USP8: variants seen among roughly 807,000 people sequenced by gnomAD.
The protein encoded by USP8 is ubiquitin carboxyl-terminal hydrolase 8.
Under a neutral mutation model 130.0 loss-of-function variants are expected in USP8, and 27 were observed. The ratio of observed to expected loss-of-function variants is 0.21; its 90% confidence interval spans 0.15 to 0.29. USP8 has a LOEUF of 0.29. USP8 is among the 10% of genes least tolerant of loss of function. The pLI is 1.00. For missense variants in USP8, 1,029 were observed against 1,312.2 expected (o/e 0.78, Z 3.33); for synonymous variants, 392 against 444.1 (o/e 0.88, Z 1.48).
chr15:50,494,387 T>C (rs2052292356), intron 16 of USP8, 107 bp downstream of exon 16: 2 of 888,266 alleles, frequency 2.3e-6, no homozygotes, highest in Admixed American at 6.1e-5. Context: ...TCAGTGCTTG[T>C]TTATTCAAAT....
chr15:50,466,254 T>G (rs1158758389), intron 7 of USP8, among the ~76,000 whole-genome samples: 2 of 152,212 alleles, frequency 1.3e-5, no homozygotes, highest in African/African-American at 4.8e-5. Context: ...AGATGCTTGA[T>G]AAATGTTTGA....
In USP8 at chr15:50,489,832, G is replaced by A. The variant is rs372108112; in HGVS notation, c.1922G>A (p.Ser641Asn). Residue 641 changes from serine to asparagine, a missense_variant, in exon 13 of 20, where the codon AGT becomes AAT. Physicochemically the swap from Ser to Asn is conservative, Grantham distance 46 (BLOSUM62 1). Coordinates refer to ENST00000307179, the MANE Select transcript of USP8 (RefSeq NM_005154.5). ...AQREPLTRAR[S>N]EEMGRIVPGL... ...CGAGAACCTTTGACAAGAGCACGAAGTGAAGAAATGGGGAGGATCGTACCA... is the reference window on the plus strand; with the variant it reads ...CGAGAACCTTTGACAAGAGCACGAAATGAAGAAATGGGGAGGATCGTACCA... 234 of 1,573,220 alleles carry A rather than the reference G, an allele frequency of 1.5e-4. No homozygotes were observed. Among genetic ancestry groups the A allele is most frequent in the Non-Finnish European group, 1.7e-4 (201 of 1,159,866 alleles).
chr15:50,497,232 G>A lies in USP8; in HGVS notation c.3038+1G>A. 1 of 1,596,960 alleles carries A rather than the reference G, an allele frequency of 6.3e-7. No homozygotes were observed. Among genetic ancestry groups the A allele is most frequent in the Non-Finnish European group, 8.5e-7 (1 of 1,175,038 alleles). On this transcript the variant is annotated splice_donor_variant, in intron 18 of 19. Transcript: ENST00000307179. LOFTEE classifies it high-confidence loss of function. ...CTGTGCTTTTAGTGCATCTGAAACG[G>A]TAAAGGGGAAAGTTTGTCCTCCTGT...
intron 8 of USP8, among the ~76,000 whole-genome samples, chr15:50,474,837 G>T (rs1048600023): frequency 7.2e-5 from 11 of 152,170 alleles, no homozygotes; most frequent in African/African-American, 2.4e-4. Flanking sequence ...GGCTGGCCGC[G>T]GTGGCTCACA....
chr15:50,446,523 G>T (rs1444300313), intron 3 of USP8, among the ~76,000 whole-genome samples: 2 of 152,104 alleles, frequency 1.3e-5, no homozygotes, highest in African/African-American at 4.8e-5. Context: ...TATGATTTCT[G>T]TTAAATGGTT....
At chr15:50,472,143 C>T (rs1270746005) in intron 8 of USP8, among the ~76,000 whole-genome samples, 2 of 151,870 alleles carry the variant, frequency 1.3e-5, no homozygotes, top group East Asian at 2.0e-4. Context: ...TCAGTTGATC[C>T]ACCTGCCTTG....
chr15:50,494,172 T>C lies in USP8; in HGVS notation c.2550T>C (p.Phe850=), dbSNP rs1447050380. The change falls in exon 16 of 20, where the codon TTT becomes TTC. Residue 850 remains phenylalanine (F), a synonymous_variant. Transcript: ENST00000307179. ...GQYRYISPKD[F]KITIGKINDQ... ...ATAGATATATCAGTCCAAAGGACTT[T>C]AAAATCACCATTGGGAAGATCAATG... 2 of 1,613,622 alleles carry C rather than the reference T, an allele frequency of 1.2e-6. No individual in the cohort carries two copies. The highest frequency in any genetic ancestry group is 8.5e-7 in the Non-Finnish European group (1 of 1,179,956).
rs529914442 is a variant in USP8 at position 50,506,351 on chromosome 15, T to C, written c.*7263T>C. 2.6e-5 allele frequency: 4 copies of C among 152,272 alleles called. No homozygotes were observed. The highest frequency in any genetic ancestry group is 4.8e-5 in the African/African-American group (2 of 41,540). 9.4% of individuals were successfully genotyped at this position (152,272 alleles called of 1,614,324 possible). A position where few individuals can be genotyped will look rare whatever the true frequency, so the allele number is the denominator to read the frequency against. On this transcript the variant is annotated 3_prime_UTR_variant, in exon 20 of 20. Coordinates refer to ENST00000307179, the MANE Select transcript of USP8 (RefSeq NM_005154.5). The stretch of plus-strand genomic sequence containing the variant: ...GATTCTCACAGCAGCACAAACTCTA[T>C]TGTGAACTGCGCATGTGAGGGATCT...
intron 16 of USP8, among the ~76,000 whole-genome samples, chr15:50,495,493 G>GGGT (rs1555392715): frequency 1.5e-5 from 2 of 130,950 alleles, no homozygotes; most frequent in African/African-American, 6.5e-5. Flanking sequence ...TGGAGGGGGG[G>GGGT]GTCTCACTAT....
chr15:50,452,841 G>A (rs902105728), intron 4 of USP8, among the ~76,000 whole-genome samples: 5 of 152,122 alleles, frequency 3.3e-5, no homozygotes, highest in Non-Finnish European at 7.4e-5. Context: ...AAGTTTTTGT[G>A]CTATTATTTT....
chr15:50,482,757 G>C (rs1285857390), intron 11 of USP8, among the ~76,000 whole-genome samples: 1 of 152,122 alleles, frequency 6.6e-6, no homozygotes, highest in South Asian at 2.1e-4. Context: ...ACCAAGAACA[G>C]TTATGGTCCT....
At chr15:50,457,882 G>GAAAAA (rs144529322) in intron 4 of USP8, among the ~76,000 whole-genome samples, 1 of 124,042 alleles carries the variant, frequency 8.1e-6, no homozygotes. Flanking sequence ...GAAAAGAAAA[G>GAAAAA]AAAAAAAAAA....
intron 12 of USP8, among the ~76,000 whole-genome samples, chr15:50,488,784 G>C (rs1032135359): frequency 2.0e-5 from 3 of 151,474 alleles, no homozygotes; most frequent in Non-Finnish European, 2.9e-5. Flanking sequence ...TGTTGCCCAG[G>C]CTGGTCTCGA....
chr15:50,438,568 G>A (rs1283860815), intron 1 of USP8, among the ~76,000 whole-genome samples: 2 of 152,116 alleles, frequency 1.3e-5, no homozygotes, highest in African/African-American at 2.4e-5. Flanking sequence ...CAGGGTGACA[G>A]GGTGAGACCC....
intron 4 of USP8, among the ~76,000 whole-genome samples, chr15:50,455,008 GA>G (rs1215346337): frequency 7.0e-6 from 1 of 143,024 alleles, no homozygotes; most frequent in Non-Finnish European, 1.6e-5. Context: ...TTCAAATACT[GA>G]CTCTTTACTT....
At chr15:50,441,546 T>G in intron 3 of USP8, 53 bp downstream of exon 3, 1 of 1,456,570 alleles carries the variant, frequency 6.9e-7, no homozygotes, top group Middle Eastern at 2.2e-4. Flanking sequence ...ATAATGGAGC[T>G]ATTGATTTTT....
At chr15:50,461,968 A>T (rs2051023758) in intron 5 of USP8, among the ~76,000 whole-genome samples, 1 of 152,238 alleles carries the variant, frequency 6.6e-6, no homozygotes, top group South Asian at 2.1e-4. Flanking sequence ...TGATTGTAAG[A>T]AGTACTTTCT....
chr15:50,483,709 A>G (rs2051853647), intron 11 of USP8, among the ~76,000 whole-genome samples: 1 of 151,766 alleles, frequency 6.6e-6, no homozygotes, highest in African/African-American at 2.4e-5. Context: ...CAGGAGAATC[A>G]CTTGAACCCA....
Position 50,441,336 on chromosome 15 carries a change from C to G in USP8, c.105-13C>G. The stretch of plus-strand genomic sequence containing the variant: ...TCAATTGCTTTAATTATTATTTTTT[C>G]TCTAATTTTAAGTTATGTGCACAGT... On this transcript the variant is annotated splice_polypyrimidine_tract_variant and intron_variant, in intron 2 of 19. Transcript: ENST00000307179. The G allele has an allele frequency of 6.4e-7, 1 of 1,566,554 alleles. No homozygotes were observed. Among genetic ancestry groups the G allele is most frequent in the East Asian group, 2.3e-5 (1 of 44,006 alleles).
Sources: gnomAD v4.1 joint callset for allele counts (sites outside exome capture counted in the v4.1 genomes callset) on GRCh38, gnomAD v4.1.1 for gene constraint, MANE v1.5 for transcripts, NCBI Gene and HGNC (gene_info 2026-07-23, HGNC 2026-07-21) for gene names.